The following ARPC1B variants were observed in gnomAD, a reference collection of about 807,000 sequenced individuals.
ARPC1B encodes actin-related protein 2/3 complex subunit 1B.
Under a neutral mutation model 46.0 loss-of-function variants are expected in ARPC1B, and 29 were observed. That is an observed-to-expected ratio of 0.63 (90% CI 0.47 to 0.86). The LOEUF (loss-of-function observed/expected upper bound fraction) is 0.86, where lower values mean the gene tolerates loss of function less well. ARPC1B is among the 40% of genes least tolerant of loss of function. The pLI, the probability that ARPC1B is intolerant of heterozygous loss-of-function variation, is 0.00. For synonymous variants in ARPC1B, 201 were observed against 213.9 expected (o/e 0.94, Z 0.53); for missense variants, 469 against 529.4 (o/e 0.89, Z 1.12).
rs557276907 is a variant in ARPC1B, at chr7:99,394,057, G to A, written c.1018G>A (p.Ala340Thr). Residue 340 changes from alanine (A) to threonine (T), a missense_variant, in exon 9 of 10, where the codon GCC (alanine) becomes ACC (threonine). Physicochemically the swap from Ala to Thr is moderately conservative, Grantham distance 58 (BLOSUM62 0). Coordinates refer to ENST00000646101, the MANE Select transcript of ARPC1B (RefSeq NM_005720.4). ...GATCTCGGTGCTCAGCGGCGGCAAGGCCAAGTGCTCGCAGTTCTGCACCAC... is the reference window on the plus strand; with the variant it reads ...GATCTCGGTGCTCAGCGGCGGCAAGACCAAGTGCTCGCAGTTCTGCACCAC... ...SQISVLSGGKAKCSQFCTTGM... is the reference protein window; with the variant it reads ...SQISVLSGGKTKCSQFCTTGM... 22 of 1,613,268 alleles carry A rather than the reference G, an allele frequency of 1.4e-5. No individual in the cohort carries two copies. The highest frequency in any genetic ancestry group is 6.7e-5 in the African/African-American group (5 of 75,050).
intron 4 of ARPC1B, 158 bp from the exon 5 acceptor site, chr7:99,389,747 G>A: frequency 3.0e-6 from 2 of 677,422 alleles, no homozygotes; most frequent in Non-Finnish European, 5.2e-6. Context: ...CCGCCCCAGG[G>A]CCCTGACGGC....
At chr7:99,389,777 C>T (rs1794508526) in intron 4 of ARPC1B, 128 bp from the exon 5 acceptor site, 1 of 795,624 alleles carries the variant, frequency 1.3e-6, no homozygotes, top group Non-Finnish European at 2.1e-6. Flanking sequence ...TGGCAATGCC[C>T]AGTCGCCTCT....
intron 4 of ARPC1B, chr7:99,388,506 A>G: frequency 1.9e-6 from 1 of 518,236 alleles, no homozygotes; most frequent in Non-Finnish European, 3.5e-6. Flanking sequence ...CCCTGCACAC[A>G]CATTAGTCCT....
intron 8 of ARPC1B, 24 bp from the exon 9 acceptor site, chr7:99,394,005 A>T: frequency 6.2e-7 from 1 of 1,610,758 alleles, no homozygotes; most frequent in Non-Finnish European, 8.5e-7. Flanking sequence ...GGTTGAATTC[A>T]TAAGCTCCTC....
At chr7:99,393,671 G>A (rs537516061) in intron 8 of ARPC1B, among the ~76,000 whole-genome samples, 2 of 152,170 alleles carry the variant, frequency 1.3e-5, no homozygotes, top group Admixed American at 6.5e-5. Context: ...TCCTGTGTCC[G>A]CCAGATCCGA....
intron 1 of ARPC1B, among the ~76,000 whole-genome samples, chr7:99,380,164 G>A (rs1173503425): frequency 1.3e-5 from 2 of 152,180 alleles, no homozygotes; most frequent in Non-Finnish European, 2.9e-5. Context: ...GCTGGCTCAC[G>A]CAGGCTTGGT....
chr7:99,378,226 A>ATTT (rs557812870), intron 1 of ARPC1B, among the ~76,000 whole-genome samples: 16 of 138,548 alleles, frequency 1.2e-4, no homozygotes, highest in African/African-American at 4.2e-4. Context: ...CATCCCGCTA[A>ATTT]TTTTTTTTTT....
intron 3 of ARPC1B, among the ~76,000 whole-genome samples, chr7:99,387,202 G>C (rs1794418391): frequency 6.6e-6 from 1 of 152,222 alleles, no homozygotes; most frequent in South Asian, 2.1e-4. Context: ...AGCACTTCAG[G>C]AGGCCAAGGC....
chr7:99,386,313 G>A (rs967856401), intron 2 of ARPC1B: 11 of 397,322 alleles, frequency 2.8e-5, no homozygotes, highest in Non-Finnish European at 4.8e-5. Context: ...TTTCGGAGGA[G>A]ATGACATTTT....
intron 1 of ARPC1B, among the ~76,000 whole-genome samples, chr7:99,380,690 G>C (rs764727245): frequency 6.6e-6 from 1 of 152,222 alleles, no homozygotes; most frequent in South Asian, 2.1e-4. Context: ...CAGCCACTCC[G>C]TCTTGACAGC....
intron 2 of ARPC1B, chr7:99,386,301 C>T (rs1794389646): frequency 2.7e-6 from 1 of 374,966 alleles, no homozygotes; most frequent in South Asian, 2.2e-5. Flanking sequence ...CAAGAAAAAG[C>T]CTTTCGGAGG....
intron 3 of ARPC1B, 34 bp downstream of exon 3, chr7:99,386,823 A>G: frequency 6.5e-7 from 1 of 1,540,850 alleles, no homozygotes; most frequent in East Asian, 2.2e-5. Context: ...CCGTCCTGAA[A>G]GGAGGTGGTG....
intron 1 of ARPC1B, among the ~76,000 whole-genome samples, chr7:99,378,908 C>G (rs1794119664): frequency 6.6e-6 from 1 of 150,424 alleles, no homozygotes; most frequent in Non-Finnish European, 1.5e-5. Flanking sequence ...TCCCGAGTAG[C>G]TGGGACTACA....
intron 1 of ARPC1B, among the ~76,000 whole-genome samples, chr7:99,377,626 CTTCTTCT>C (rs1201355364): frequency 6.7e-6 from 1 of 148,420 alleles, no homozygotes; most frequent in South Asian, 2.3e-4. Context: ...TCTTCTTCTT[CTTCTTCT>C]TTTTTTTTTT....
intron 2 of ARPC1B, 200 bp from the exon 3 acceptor site, chr7:99,386,485 G>T (rs567383016): frequency 1.5e-6 from 1 of 668,146 alleles, no homozygotes; most frequent in East Asian, 2.9e-5. Flanking sequence ...TCATTGCTGC[G>T]AGTAAAGGAC....
In ARPC1B at chr7:99,390,879, GC is replaced by G; in HGVS notation, c.501-12del. 1 of 1,588,056 alleles carries G rather than the reference GC, an allele frequency of 6.3e-7. No individual in the cohort carries two copies. Among genetic ancestry groups the G allele is most frequent in the African/African-American group, 1.3e-5 (1 of 74,662 alleles). ...TGCCTGGCTACTTTACCTCTACTTT[GC>G]CTATCCCGGTAGGATCTTTTCAGCC... On this transcript the variant is annotated splice_polypyrimidine_tract_variant and intron_variant, in intron 5 of 9. Coordinates refer to ENST00000646101, the MANE Select transcript of ARPC1B (RefSeq NM_005720.4).
chr7:99,378,133 C>T (rs1235538281), intron 1 of ARPC1B, among the ~76,000 whole-genome samples: 1 of 152,068 alleles, frequency 6.6e-6, no homozygotes, highest in Non-Finnish European at 1.5e-5. Flanking sequence ...GATCTCGGCT[C>T]ACTGCAACCT....
At chr7:99,394,279 C>A in intron 9 of ARPC1B, 160 bp downstream of exon 9, 1 of 1,034,080 alleles carries the variant, frequency 9.7e-7, no homozygotes, top group South Asian at 1.4e-5. Flanking sequence ...GGCCTTGGTG[C>A]TCACTGGGGC....
intron 1 of ARPC1B, among the ~76,000 whole-genome samples, chr7:99,382,249 C>T (rs1794252659): frequency 2.6e-5 from 4 of 152,086 alleles, no homozygotes; most frequent in Admixed American, 2.6e-4. Flanking sequence ...ACCAGCCTGG[C>T]CAACATGGTG....
Sources: gnomAD v4.1 joint callset for allele counts (sites outside exome capture counted in the v4.1 genomes callset) on GRCh38, gnomAD v4.1.1 for gene constraint, MANE v1.5 for transcripts, NCBI Gene and HGNC (gene_info 2026-07-23, HGNC 2026-07-21) for gene names.